Variants in SIPA1L1 observed in about 807,000 individuals in gnomAD.
SIPA1L1 encodes signal-induced proliferation-associated 1-like protein 1.
A neutral mutation model predicts 162.7 loss-of-function variants in SIPA1L1; 26 were observed. The observed-to-expected ratio is 0.16, with a 90% CI of 0.12 to 0.22. SIPA1L1 has a LOEUF of 0.22. SIPA1L1 is among the 10% of genes least tolerant of loss of function. The pLI is 1.00. For synonymous variants in SIPA1L1, 829 were observed against 837.4 expected, an observed-to-expected ratio of 0.99 and a Z score of 0.17; for missense variants, 1,874 against 2,241.0, an observed-to-expected ratio of 0.84 and a Z score of 3.31.
At chr14:71,531,174 G>A (rs565077383) in intron 4 of SIPA1L1, among the ~76,000 whole-genome samples, 4 of 152,210 alleles carry the variant, frequency 2.6e-5, no homozygotes, top group Admixed American at 2.6e-4. Context: ...TCATTAATGA[G>A]GTTTTCAGAG....
intron 2 of SIPA1L1, among the ~76,000 whole-genome samples, chr14:71,397,004 A>C (rs893487349): frequency 6.6e-6 from 1 of 152,212 alleles, no homozygotes; most frequent in South Asian, 2.1e-4. Context: ...ACAAATTTCA[A>C]AATGCCCATT....
intron 2 of SIPA1L1, among the ~76,000 whole-genome samples, chr14:71,463,305 A>G (rs941730697): frequency 6.6e-6 from 1 of 152,184 alleles, no homozygotes; most frequent in African/African-American, 2.4e-5. Flanking sequence ...AATTATGCCT[A>G]TGCCAATTAC....
At chr14:71,323,322 C>T (rs2140153130) in intron 2 of SIPA1L1, among the ~76,000 whole-genome samples, 1 of 152,088 alleles carries the variant, frequency 6.6e-6, no homozygotes, top group Non-Finnish European at 1.5e-5. Context: ...GACTGTTTTT[C>T]TTTTTTTAAA....
At chr14:71,729,114 C>G (rs1286233101) in intron 19 of SIPA1L1, among the ~76,000 whole-genome samples, 1 of 152,210 alleles carries the variant, frequency 6.6e-6, no homozygotes, top group East Asian at 1.9e-4. Context: ...TGGCTCACAG[C>G]AACCTCTGCC....
At chr14:71,338,895 A>G (rs2035361395) in intron 2 of SIPA1L1, among the ~76,000 whole-genome samples, 1 of 151,604 alleles carries the variant, frequency 6.6e-6, no homozygotes, top group East Asian at 1.9e-4. Context: ...GTGCACCACC[A>G]CACCCGGCTT....
chr14:71,685,334 G>A, intron 12 of SIPA1L1, 28 bp from the exon 13 acceptor site: 1 of 1,610,602 alleles, frequency 6.2e-7, no homozygotes, highest in Non-Finnish European at 8.5e-7. Flanking sequence ...TATCCATTGT[G>A]TTTCTCCCTG....
chr14:71,477,706 G>A (rs2047994181), intron 2 of SIPA1L1, among the ~76,000 whole-genome samples: 1 of 151,718 alleles, frequency 6.6e-6, no homozygotes. Flanking sequence ...TAATAGCTGA[G>A]TAGATCCCTT....
chr14:71,424,270 T>C (rs1339584356), intron 2 of SIPA1L1, among the ~76,000 whole-genome samples: 1 of 152,118 alleles, frequency 6.6e-6, no homozygotes, highest in Non-Finnish European at 1.5e-5. Flanking sequence ...TTATTTCTCT[T>C]TCTTGCCTAA....
intron 13 of SIPA1L1, among the ~76,000 whole-genome samples, chr14:71,689,643 C>A (rs2081114423): frequency 6.6e-6 from 1 of 152,152 alleles, no homozygotes. Context: ...AAATGATTTT[C>A]TTTTCTCCTT....
At chr14:71,628,255 G>A (rs1021381411) in intron 7 of SIPA1L1, among the ~76,000 whole-genome samples, 1 of 152,170 alleles carries the variant, frequency 6.6e-6, no homozygotes, top group Non-Finnish European at 1.5e-5. Context: ...TTCTTCAACA[G>A]TCATTTAAAA....
chr14:71,661,567 A>G (rs1286054440), intron 10 of SIPA1L1, 100 bp downstream of exon 10: 2 of 1,249,876 alleles, frequency 1.6e-6, no homozygotes, highest in Non-Finnish European at 2.2e-6. Context: ...TGGGAAGTCT[A>G]TTACTATTTC....
intron 4 of SIPA1L1, among the ~76,000 whole-genome samples, chr14:71,554,904 G>A (rs1343171625): frequency 2.0e-5 from 3 of 151,840 alleles, no homozygotes; most frequent in East Asian, 3.8e-4. Context: ...GGGAAAAAAA[G>A]TATGTAAGCA....
At chr14:71,678,625 G>A (rs1307789364) in intron 12 of SIPA1L1, among the ~76,000 whole-genome samples, 2 of 152,112 alleles carry the variant, frequency 1.3e-5, no homozygotes, top group African/African-American at 2.4e-5. Context: ...GTCTCTGCCC[G>A]GCTTTGGTAT....
At chr14:71,571,628 G>GTTTA (rs374571269) in intron 4 of SIPA1L1, among the ~76,000 whole-genome samples, 5,631 of 151,118 alleles carry the variant, frequency 0.037, 246 homozygotes, top group African/African-American at 0.1. Flanking sequence ...AAACTGGATG[G>GTTTA]TTTATTTATT....
At chr14:71,336,426 T>C (rs1217689363) in intron 2 of SIPA1L1, among the ~76,000 whole-genome samples, 1 of 152,210 alleles carries the variant, frequency 6.6e-6, no homozygotes, top group East Asian at 1.9e-4. Context: ...TTTATAGATT[T>C]GCCTCTTCTA....
At chr14:71,435,102 T>G (rs2044274841) in intron 2 of SIPA1L1, among the ~76,000 whole-genome samples, 1 of 152,218 alleles carries the variant, frequency 6.6e-6, no homozygotes, top group African/African-American at 2.4e-5. Flanking sequence ...ATTCGTATCT[T>G]TATTGCTAAA....
chr14:71,456,393 C>A (rs2046191280), intron 2 of SIPA1L1, among the ~76,000 whole-genome samples: 1 of 152,170 alleles, frequency 6.6e-6, no homozygotes, highest in Non-Finnish European at 1.5e-5. Flanking sequence ...AAAAATACAA[C>A]CCTATCAATT....
At position 71,705,297 on chromosome 14, in the gene SIPA1L1, G is replaced by T. The variant is rs762653727; in HGVS notation, c.3722G>T (p.Arg1241Leu). Residue 1241 changes from arginine to leucine, a missense_variant, in exon 16 of 24, where the codon CGG becomes CTG. Around this residue, in one of 5 missense-constraint regions of SIPA1L1, gnomAD observed 936 missense variants for 1,051.9 expected, o/e 0.89. Transcript: ENST00000381232. ...FRESPSGRLM[R>L]QDPVVHLSPN... Reference sequence around the variant, plus strand: ...GAGAGCCCCAGTGGGAGATTAATGCGGCAGGATCCAGTGGTTCATTTGTCT... The same window carrying T: ...GAGAGCCCCAGTGGGAGATTAATGCTGCAGGATCCAGTGGTTCATTTGTCT... 4.3e-6 allele frequency: 7 copies of T among 1,614,070 alleles called. No individual in the cohort carries two copies. The highest frequency in any genetic ancestry group is 4.5e-5 in the East Asian group (2 of 44,882).
At chr14:71,674,588 G>A (rs1396852515) in intron 12 of SIPA1L1, among the ~76,000 whole-genome samples, 28 of 141,162 alleles carry the variant, frequency 2.0e-4, no homozygotes, top group Middle Eastern at 3.8e-3. Flanking sequence ...TTTTTTAGAC[G>A]GAGTCTCGCT....
Sources: gnomAD v4.1 joint callset for allele counts (sites outside exome capture counted in the v4.1 genomes callset) on GRCh38, gnomAD v4.1.1 for gene constraint, gnomAD v4.1.1 regional missense constraint, MANE v1.5 for transcripts, NCBI Gene and HGNC (gene_info 2026-07-23, HGNC 2026-07-21) for gene names.